IGF2BP3: variants seen among roughly 807,000 people sequenced by gnomAD.
The protein encoded by IGF2BP3 is insulin-like growth factor 2 mRNA-binding protein 3.
Under a neutral mutation model 73.8 loss-of-function variants are expected in IGF2BP3, and 9 were observed. The ratio of observed to expected loss-of-function variants is 0.12; its 90% CI spans 0.07 to 0.21. The LOEUF (loss-of-function observed/expected upper bound fraction) is 0.21. Ranked by LOEUF, IGF2BP3 falls within the 10% of genes least tolerant of loss-of-function variation. IGF2BP3 has a pLI of 1.00. For missense variants in IGF2BP3, 542 were observed against 714.0 expected (o/e 0.76, Z 2.75); for synonymous variants, 258 against 256.7 (o/e 1.01, Z -0.05).
At chr7:23,387,789 C>G (rs1786134661) in intron 3 of IGF2BP3, among the ~76,000 whole-genome samples, 1 of 152,150 alleles carries the variant, frequency 6.6e-6, no homozygotes. Context: ...AACACACACA[C>G]ATACTCACAC....
chr7:23,384,846 G>A (rs59213659), intron 3 of IGF2BP3, among the ~76,000 whole-genome samples: 9,025 of 152,176 alleles, frequency 0.059, 881 homozygotes, highest in African/African-American at 0.2. Context: ...AGCCAGGATC[G>A]TAACACTGTA....
chr7:23,348,775 C>T (rs748444190), intron 6 of IGF2BP3, among the ~76,000 whole-genome samples: 15 of 152,062 alleles, frequency 9.9e-5, no homozygotes, highest in Admixed American at 7.2e-4. Context: ...GAGAGATGAT[C>T]ATTTGTAGTT....
At chr7:23,409,037 T>A (rs1242224606) in intron 3 of IGF2BP3, among the ~76,000 whole-genome samples, 1 of 152,152 alleles carries the variant, frequency 6.6e-6, no homozygotes, top group Non-Finnish European at 1.5e-5. Context: ...TAGATTCTCC[T>A]AAGGAGTGAG....
chr7:23,320,953 A>C (rs1784124753), intron 10 of IGF2BP3, among the ~76,000 whole-genome samples: 1 of 56,758 alleles, frequency 1.8e-5, no homozygotes, highest in Admixed American at 2.5e-4. Flanking sequence ...GTCTCAAAAA[A>C]AAAAAAAAAA....
At chr7:23,354,056 C>T (rs925123351) in intron 5 of IGF2BP3, among the ~76,000 whole-genome samples, 11 of 152,298 alleles carry the variant, frequency 7.2e-5, no homozygotes, top group South Asian at 4.1e-4. Context: ...CACAGTGGTG[C>T]GATCTTGGCT....
intron 2 of IGF2BP3, among the ~76,000 whole-genome samples, chr7:23,434,091 T>TAAAAAA (rs11362019): frequency 3.1e-5 from 4 of 129,520 alleles, no homozygotes; most frequent in East Asian, 2.4e-4. Flanking sequence ...AAATTAAAAT[T>TAAAAAA]AAAAAAAAAA....
intron 10 of IGF2BP3, among the ~76,000 whole-genome samples, chr7:23,323,902 C>T (rs934792335): frequency 3.3e-5 from 5 of 151,802 alleles, no homozygotes; most frequent in African/African-American, 1.2e-4. Context: ...ACCAGAATCT[C>T]TGGGATGCAT....
intron 5 of IGF2BP3, among the ~76,000 whole-genome samples, chr7:23,354,915 G>C (rs536092584): frequency 5.3e-5 from 8 of 152,254 alleles, no homozygotes; most frequent in East Asian, 3.9e-4. Context: ...CAGCTGAAAA[G>C]GTACAGGAGG....
At chr7:23,459,310 A>ATT (rs1788389437) in intron 2 of IGF2BP3, among the ~76,000 whole-genome samples, 1 of 152,168 alleles carries the variant, frequency 6.6e-6, no homozygotes, top group South Asian at 2.1e-4. Flanking sequence ...CAAGGACCAG[A>ATT]TTTTTTTAAA....
chr7:23,334,034 G>A (rs1784510531), intron 10 of IGF2BP3, among the ~76,000 whole-genome samples: 2 of 152,062 alleles, frequency 1.3e-5, no homozygotes, highest in African/African-American at 4.8e-5. Flanking sequence ...ATTCTTATAT[G>A]GGATTCAGAA....
At chr7:23,368,343 A>AAAAGAAAGAAAGTAAG (rs1785444622) in intron 3 of IGF2BP3, among the ~76,000 whole-genome samples, 1 of 137,924 alleles carries the variant, frequency 7.3e-6, no homozygotes, top group Non-Finnish European at 1.5e-5. Flanking sequence ...AAGAAAGAAA[A>AAAAGAAAGAAAGTAAG]AAAGAAAGAA....
At chr7:23,447,967 A>G (rs890322168) in intron 2 of IGF2BP3, among the ~76,000 whole-genome samples, 1 of 152,168 alleles carries the variant, frequency 6.6e-6, no homozygotes, top group African/African-American at 2.4e-5. Context: ...GTGACAGAGC[A>G]AGACTGGCTA....
chr7:23,351,639 A>G, intron 5 of IGF2BP3, 53 bp from the exon 6 acceptor site: 1 of 1,578,802 alleles, frequency 6.3e-7, no homozygotes, highest in Non-Finnish European at 8.7e-7. Context: ...TATATGACAC[A>G]TCTTTTAGCA....
rs1786188474 is a variant in IGF2BP3, at chr7:23,389,163, T to C, written c.286-27422A>G. ...ACAAAAGTGAGAATTATTCCCTTTT[T>C]TTTTTTTTTTTAATTGAGACAGAGT... On this transcript the variant is annotated intron_variant, in intron 3 of 14. Coordinates refer to ENST00000258729, the MANE Select transcript of IGF2BP3 (RefSeq NM_006547.3). Among the ~76,000 whole-genome samples the C allele has an allele frequency of 7.5e-5, 4 of 53,384 alleles. No individual in the cohort carries two copies. The Admixed American group carries it at 1.3e-3, about 18-fold the overall frequency. 35.0% of individuals were successfully genotyped at this position (53,384 alleles called of 152,430 possible). A position where few individuals can be genotyped will look rare whatever the true frequency, so the allele number is the denominator to read the frequency against.
chr7:23,380,406 A>G (rs1322517408), intron 3 of IGF2BP3, among the ~76,000 whole-genome samples: 1 of 151,920 alleles, frequency 6.6e-6, no homozygotes, highest in Non-Finnish European at 1.5e-5. Flanking sequence ...CTCGTGATCC[A>G]TCCGCTTCGG....
chr7:23,392,348 A>C (rs1176626787), intron 3 of IGF2BP3, among the ~76,000 whole-genome samples: 2 of 151,878 alleles, frequency 1.3e-5, no homozygotes, highest in Non-Finnish European at 2.9e-5. Context: ...GGCTGACCTC[A>C]AGAAAAGGCT....
intron 12 of IGF2BP3, among the ~76,000 whole-genome samples, chr7:23,316,876 C>T (rs763905850): frequency 2.0e-5 from 3 of 152,118 alleles, no homozygotes; most frequent in Non-Finnish European, 2.9e-5. Context: ...ACCCCCAGCA[C>T]GCTAATTTTG....
intron 3 of IGF2BP3, among the ~76,000 whole-genome samples, chr7:23,383,517 C>T (rs1005242483): frequency 2.0e-5 from 3 of 152,196 alleles, no homozygotes; most frequent in African/African-American, 7.2e-5. Flanking sequence ...TTAGAACCAT[C>T]TTATACCGCT....
chr7:23,363,004 C>A (rs1056352142), intron 3 of IGF2BP3, among the ~76,000 whole-genome samples: 1 of 152,100 alleles, frequency 6.6e-6, no homozygotes, highest in Non-Finnish European at 1.5e-5. Flanking sequence ...ATCCTCCTGC[C>A]CTGGCCTCCC....
Sources: allele counts gnomAD v4.1 joint callset (sites outside exome capture counted in the v4.1 genomes callset), GRCh38; gene constraint gnomAD v4.1.1; transcripts MANE v1.5; gene names NCBI Gene and HGNC (gene_info 2026-07-23, HGNC 2026-07-21).